Variants in PRH1 observed in about 807,000 individuals in gnomAD.
The protein encoded by PRH1 is proline rich protein HaeIII subfamily 1, also known as salivary acidic proline-rich phosphoprotein 1/2.
Under a neutral mutation model 7.9 loss-of-function variants are expected in PRH1, and 7 were observed. The observed-to-expected ratio is 0.89, with a 90% CI of 0.50 to 1.67. PRH1 has a LOEUF of 1.67. Among genes scored for constraint, PRH1 ranks in the 40% most tolerant of loss-of-function variants. The pLI is 0.00. For missense variants in PRH1, 109 were observed against 223.6 expected (o/e 0.49, Z 3.27); for synonymous variants, 45 against 80.8 (o/e 0.56, Z 2.38).
intron 1 of PRH1, chr12:10,996,761 C>T (rs1940263327): frequency 2.5e-6 from 1 of 394,712 alleles, no homozygotes; most frequent in African/African-American, 2.1e-5. Context: ...CATACACACA[C>T]ACGCAAATGT....
At chr12:11,130,802 T>G (rs1408405442) in intron 1 of PRH1, among the ~76,000 whole-genome samples, 1 of 152,092 alleles carries the variant, frequency 6.6e-6, no homozygotes, top group Non-Finnish European at 1.5e-5. Context: ...AATCCAAGCA[T>G]AGAGTCACTC....
At chr12:11,136,515 C>T (rs1486732596) in intron 1 of PRH1, among the ~76,000 whole-genome samples, 2 of 152,136 alleles carry the variant, frequency 1.3e-5, no homozygotes, top group Admixed American at 6.6e-5. Context: ...AAAATCTCCT[C>T]ATAGACATAG....
Position 11,153,943 on chromosome 12 carries a change from G to C in PRH1, n.39+17479C>G, listed in dbSNP as rs570711129. 2.2e-4 allele frequency among the ~76,000 whole-genome samples: 34 copies of C among 152,230 alleles called. 1 individual carries two copies. The highest frequency in any genetic ancestry group is 4.4e-4 in the Non-Finnish European group (30 of 68,022). On this transcript the variant is annotated intron_variant and non_coding_transcript_variant, in intron 1 of 1. Transcript: ENST00000541175. Reference sequence around the variant, plus strand: ...ACCCCCAAAAAAATGGCAAACAAGAGAGCGAAACAAGTGGTTTGTGTCCAG... The same window carrying C: ...ACCCCCAAAAAAATGGCAAACAAGACAGCGAAACAAGTGGTTTGTGTCCAG...
chr12:11,159,970 C>A (rs900788549), intron 1 of PRH1, among the ~76,000 whole-genome samples: 1 of 152,176 alleles, frequency 6.6e-6, no homozygotes, highest in African/African-American at 2.4e-5. Flanking sequence ...ATTTCTAGAA[C>A]AAACACTAAT....
intron 1 of PRH1, among the ~76,000 whole-genome samples, chr12:11,067,873 G>C (rs1216959697): frequency 6.6e-6 from 1 of 152,004 alleles, no homozygotes; most frequent in African/African-American, 2.4e-5. Context: ...AAAACAATAA[G>C]AAAAATTTTA....
chr12:10,994,031 G>A (rs1456125585), intron 1 of PRH1, among the ~76,000 whole-genome samples: 1 of 152,182 alleles, frequency 6.6e-6, no homozygotes, highest in Non-Finnish European at 1.5e-5. Context: ...AAGACCCTGT[G>A]CAACAGTGGA....
At chr12:11,084,319 T>C (rs916988952) in intron 1 of PRH1, among the ~76,000 whole-genome samples, 20 of 151,076 alleles carry the variant, frequency 1.3e-4, no homozygotes, top group African/African-American at 4.4e-4. Flanking sequence ...ACAGTTCATT[T>C]TGATTGCTGT....
intron 1 of PRH1, chr12:11,006,151 T>G (rs1940820473): frequency 6.6e-6 from 1 of 152,100 alleles, no homozygotes; most frequent in East Asian, 1.9e-4. Context: ...AGACTCCATT[T>G]CACAACTGCT....
intron 1 of PRH1, among the ~76,000 whole-genome samples, chr12:11,155,142 T>C (rs997044951): frequency 2.6e-5 from 4 of 152,214 alleles, no homozygotes; most frequent in African/African-American, 9.6e-5. Context: ...ACTCGATCTG[T>C]AATTTTGATT....
chr12:10,967,614 T>C (rs1303273761), intron 2 of PRH1, among the ~76,000 whole-genome samples: 10 of 152,334 alleles, frequency 6.6e-5, no homozygotes, highest in Middle Eastern at 3.4e-3. Flanking sequence ...ATTGATTTCA[T>C]GTGATTAGCT....
intron 1 of PRH1, chr12:10,986,848 G>A (rs1939665713): frequency 6.5e-7 from 1 of 1,534,022 alleles, no homozygotes; most frequent in Non-Finnish European, 8.7e-7. Context: ...AAAATGTATA[G>A]AAAAGTTATC....
chr12:10,941,527 T>C (rs1214144125), intron 2 of PRH1, among the ~76,000 whole-genome samples: 1 of 151,290 alleles, frequency 6.6e-6, no homozygotes, highest in Non-Finnish European at 1.5e-5. Flanking sequence ...CTGTATCAAA[T>C]GTTTGAATTT....
chr12:11,076,353 A>C (rs1473450653), intron 1 of PRH1, among the ~76,000 whole-genome samples: 1 of 18,282 alleles, frequency 5.5e-5, no homozygotes, highest in African/African-American at 7.4e-5. Flanking sequence ...ACATTTAACG[A>C]AAGTTTAACA....
At chr12:11,099,124 T>C (rs1945151316) in intron 1 of PRH1, among the ~76,000 whole-genome samples, 2 of 152,186 alleles carry the variant, frequency 1.3e-5, no homozygotes, top group South Asian at 4.1e-4. Flanking sequence ...AGTATCCTCC[T>C]ATCACAGGAA....
chr12:11,093,199 G>T lies in PRH1; in HGVS notation n.124-46011C>A, dbSNP rs191833949. On this transcript the variant is annotated intron_variant and non_coding_transcript_variant, in intron 1 of 4. Transcript: ENST00000541977. ...TGTCTAAATTCTCAAAGGGAGCTTG[G>T]TCATAACTAAGATCATCACCAATGC... Among the ~76,000 whole-genome samples the T allele has an allele frequency of 1.6e-3, 180 of 115,706 alleles. 43 individuals carry two copies. Among genetic ancestry groups the T allele is most frequent in the African/African-American group, 5.0e-3 (173 of 34,602 alleles). The allele number at this position is 115,706 out of a possible 152,430, so 75.9% of individuals were successfully genotyped here.
intron 1 of PRH1, chr12:11,031,509 T>C (rs145988287): frequency 1.0e-3 from 717 of 683,820 alleles, no homozygotes; most frequent in Non-Finnish European, 1.4e-3. Flanking sequence ...GCAAGGTTTA[T>C]TGAGAAGAGA....
intron 1 of PRH1, among the ~76,000 whole-genome samples, chr12:11,143,970 C>A (rs1232360100): frequency 6.6e-6 from 1 of 152,176 alleles, no homozygotes; most frequent in Non-Finnish European, 1.5e-5. Context: ...CCTTGGACAC[C>A]AGTGCATGTT....
At chr12:11,058,063 C>T (rs1439106104) in intron 1 of PRH1, among the ~76,000 whole-genome samples, 1 of 152,110 alleles carries the variant, frequency 6.6e-6, no homozygotes, top group Non-Finnish European at 1.5e-5. Context: ...TGGTGAAATC[C>T]CAGCCCTACA....
intron 1 of PRH1, chr12:11,133,806 T>G (rs544657388): frequency 6.3e-7 from 1 of 1,591,614 alleles, no homozygotes; most frequent in Middle Eastern, 1.7e-4. Context: ...TCCATGTTTA[T>G]CACAAAAAGA....
Sources: gnomAD v4.1 joint callset for allele counts (sites outside exome capture counted in the v4.1 genomes callset) on GRCh38, gnomAD v4.1.1 for gene constraint, MANE v1.5 for transcripts, NCBI Gene and HGNC (gene_info 2026-07-23, HGNC 2026-07-21) for gene names.